Variants in ERAP1 observed in about 807,000 individuals in gnomAD.
ERAP1 encodes the protein endoplasmic reticulum aminopeptidase 1, also known as adipocyte-derived leucine aminopeptidase.
ERAP1 carries 86 observed loss-of-function variants against 103.7 expected under a neutral mutation model. That is an observed-to-expected ratio of 0.83 (90% CI 0.70 to 0.99). The LOEUF is 0.99. Among genes scored for constraint, ERAP1 ranks in the 50% least tolerant of loss-of-function variants. The pLI, the probability that ERAP1 is intolerant of heterozygous loss-of-function variation, is 0.00. For missense variants in ERAP1, 1,009 were observed against 1,128.4 expected (o/e 0.89, Z 1.52); for synonymous variants, 398 against 402.4 (o/e 0.99, Z 0.13).
chr5:96,928,286 G>T, the ERAP1 span, among the ~76,000 whole-genome samples: 1 of 152,174 alleles, frequency 6.6e-6, no homozygotes, highest in Non-Finnish European at 1.5e-5. Context: ...GAGTTGAATA[G>T]TGTCCTCCAA....
At chr5:96,863,563 C>A in the ERAP1 span, among the ~76,000 whole-genome samples, 2 of 152,008 alleles carry the variant, frequency 1.3e-5, no homozygotes, top group Non-Finnish European at 2.9e-5. Context: ...GCTGTCTTTT[C>A]TTTTTCTTGT....
At chr5:96,876,670 CG>C in the ERAP1 span, 6 of 152,298 alleles carry the variant, frequency 3.9e-5, no homozygotes, top group Admixed American at 3.9e-4. Flanking sequence ...GAATTGGGCG[CG>C]GCTGTATTAG....
At chr5:96,770,739 G>T (rs574220899), downstream of ERAP1, 2 of 588,042 alleles carry the variant, frequency 3.4e-6, no homozygotes, top group East Asian at 2.8e-5. Context: ...CCATAGCATC[G>T]CTTGGTAAAG....
chr5:96,840,563 C>T, the ERAP1 span, among the ~76,000 whole-genome samples: 69 of 152,218 alleles, frequency 4.5e-4, no homozygotes, highest in African/African-American at 1.6e-3. Flanking sequence ...TTCTCTAAAT[C>T]CCTTAATAAT....
At chr5:96,896,156 A>C in the ERAP1 span, among the ~76,000 whole-genome samples, 1 of 152,128 alleles carries the variant, frequency 6.6e-6, no homozygotes, top group Non-Finnish European at 1.5e-5. Context: ...GCAATGTCTG[A>C]AGGAATATTG....
At chr5:96,879,696 C>A in the ERAP1 span, 1 of 1,613,388 alleles carries the variant, frequency 6.2e-7, no homozygotes, top group Non-Finnish European at 8.5e-7. Flanking sequence ...ATGTTCCATT[C>A]TTCTGCAATG....
the ERAP1 span, among the ~76,000 whole-genome samples, chr5:96,924,690 C>A: frequency 6.6e-6 from 1 of 151,852 alleles, no homozygotes; most frequent in Non-Finnish European, 1.5e-5. Context: ...CTCCACCTCC[C>A]GGGTTCAGGT....
At chr5:96,903,383 T>TG in the ERAP1 span, 1 of 1,611,630 alleles carries the variant, frequency 6.2e-7, no homozygotes, top group East Asian at 2.2e-5. Flanking sequence ...TTAGATACTC[T>TG]GGATCTACCT....
chr5:96,913,568 C>G, the ERAP1 span: 1 of 1,265,796 alleles, frequency 7.9e-7, no homozygotes, highest in Non-Finnish European at 1.1e-6. Flanking sequence ...CCATTTGTAT[C>G]CAAATAGTTC....
rs2150905061 is a variant in ERAP1 at position 96,781,838 on chromosome 5, T to C, written c.2302A>G (p.Thr768Ala). ...NGNLSLPVDV[T>A]LAVFAVGAQS... The stretch of plus-strand genomic sequence containing the variant: ...GCCCCCACAGCAAACACTGCCAAGG[T>C]CACGTCGACAGGCAGGCTATAGAAA... The change falls in exon 16 of 19, where the codon ACC (threonine) becomes GCC (alanine). Residue 768 changes from threonine to alanine, a missense_variant. This residue lies in a region of ERAP1 where 611 missense variants were observed against 651.7 expected (regional missense o/e 0.94). Transcript: ENST00000443439. 6.2e-7 allele frequency: 1 copy of C among 1,613,954 alleles called. No homozygotes were observed. The highest frequency in any genetic ancestry group is 1.1e-5 in the South Asian group (1 of 91,082).
At chr5:96,920,534 AG>A in the ERAP1 span, among the ~76,000 whole-genome samples, 2 of 152,214 alleles carry the variant, frequency 1.3e-5, no homozygotes, top group African/African-American at 4.8e-5. Context: ...CCCCAGCCAT[AG>A]GGCAAGCCTC....
At chr5:96,909,116 AG>A in the ERAP1 span, 1 of 1,613,892 alleles carries the variant, frequency 6.2e-7, no homozygotes, top group African/African-American at 1.3e-5. Context: ...GAAAACCTCA[AG>A]GTTTGTGTTG....
the ERAP1 span, among the ~76,000 whole-genome samples, chr5:96,922,292 C>T: frequency 6.6e-5 from 10 of 151,926 alleles, no homozygotes; most frequent in East Asian, 1.9e-4. Flanking sequence ...AGAGAGACTC[C>T]GTCTCAAAAA....
rs528487789 is a variant in ERAP1, at chr5:96,785,680, T to A, written c.1943+108A>T. 1.8e-4 allele frequency: 227 copies of A among 1,275,982 alleles called. No individual in the cohort carries two copies. In the African/African-American group the frequency reaches 2.9e-3, roughly 16 times the overall value. 79.0% of individuals were successfully genotyped at this position (1,275,982 alleles called of 1,614,324 possible). A position where few individuals can be genotyped will look rare whatever the true frequency, so the allele number is the denominator to read the frequency against. On this transcript the variant is annotated intron_variant, in intron 13 of 18. Coordinates refer to ENST00000443439, the MANE Select transcript of ERAP1 (RefSeq NM_001040458.3). ...TTAGAAGAACTTAAAGGAAAACACC[T>A]TTCAACTTCTTGTTATCAATCAATC...
the ERAP1 span, among the ~76,000 whole-genome samples, chr5:96,856,359 TATATATAGAGAG>T: frequency 5.9e-5 from 2 of 34,096 alleles, no homozygotes; most frequent in Non-Finnish European, 1.4e-4. Context: ...AATATATATA[TATATATAGAGAG>T]AGAGAGAGAG....
intron 1 of ERAP1, among the ~76,000 whole-genome samples, chr5:96,806,743 T>C (rs536595684): frequency 2.0e-5 from 3 of 151,262 alleles, no homozygotes; most frequent in South Asian, 2.1e-4. Context: ...TGGGGCACTA[T>C]AGTATATGAA....
rs938399396 is a variant in ERAP1, at chr5:96,781,115, A to G, written c.2531T>C (p.Val844Ala). ...QILTLIGRNPVGYPLAWQFLR... is the reference protein window; with the variant it reads ...QILTLIGRNPAGYPLAWQFLR... ...AAATTGCCAGGCCAGTGGGTATCCT[A>G]CTGGGTTCCTGCCAATGAGTGTAAG... Residue 844 changes from valine to alanine, a missense_variant, in exon 17 of 19, where the codon GTA becomes GCA. Transcript: ENST00000443439. 1.2e-6 allele frequency: 2 copies of G among 1,613,458 alleles called. No individual in the cohort carries two copies. Among genetic ancestry groups the G allele is most frequent in the African/African-American group, 2.7e-5 (2 of 74,714 alleles).
intron 4 of ERAP1, among the ~76,000 whole-genome samples, chr5:96,796,298 C>T (rs377443942): frequency 9.9e-5 from 15 of 152,176 alleles, no homozygotes; most frequent in African/African-American, 2.2e-4. Context: ...TTCTGAGCTA[C>T]GGCACACAGT....
At chr5:96,866,145 A>C in the ERAP1 span, among the ~76,000 whole-genome samples, 14 of 152,338 alleles carry the variant, frequency 9.2e-5, no homozygotes, top group East Asian at 2.7e-3. Context: ...TGTTATCTAC[A>C]TGCTTCATGC....
Sources: gnomAD v4.1 joint callset for allele counts (sites outside exome capture counted in the v4.1 genomes callset) on GRCh38, gnomAD v4.1.1 for gene constraint, gnomAD v4.1.1 regional missense constraint, MANE v1.5 for transcripts, NCBI Gene and HGNC (gene_info 2026-07-23, HGNC 2026-07-21) for gene names.